PDZD2: variants seen among roughly 807,000 people sequenced by gnomAD.
PDZD2 encodes PDZ domain-containing protein 2.
PDZD2 carries 90 observed loss-of-function variants against 220.7 expected under a neutral mutation model. That is an observed-to-expected ratio of 0.41 (90% CI 0.34 to 0.49). The LOEUF (loss-of-function observed/expected upper bound fraction) is 0.49. PDZD2 is among the 20% of genes least tolerant of loss of function. The pLI is 0.28. For missense variants in PDZD2, 3,174 were observed against 3,608.5 expected (o/e 0.88, Z 3.08); for synonymous variants, 1,375 against 1,450.5 (o/e 0.95, Z 1.18).
intron 2 of PDZD2, among the ~76,000 whole-genome samples, chr5:31,972,593 T>C (rs1011816814): frequency 5.9e-5 from 9 of 152,238 alleles, no homozygotes; most frequent in African/African-American, 2.2e-4. Flanking sequence ...TGGCTTGTAG[T>C]AGTTATTCAG....
chr5:31,716,411 A>G (rs1419522215), intron 1 of PDZD2, among the ~76,000 whole-genome samples: 1 of 152,164 alleles, frequency 6.6e-6, no homozygotes, highest in Admixed American at 6.6e-5. Flanking sequence ...CTGGGTCAGG[A>G]GGCAGAAGGA....
chr5:31,999,674 C>T (rs919957407), intron 4 of PDZD2, among the ~76,000 whole-genome samples: 16 of 152,230 alleles, frequency 1.1e-4, no homozygotes, highest in Admixed American at 2.6e-4. Context: ...GTCAGGGTCA[C>T]ATCCCTGGGA....
intron 1 of PDZD2, among the ~76,000 whole-genome samples, chr5:31,703,887 C>T (rs943740376): frequency 1.4e-4 from 22 of 152,046 alleles, no homozygotes; most frequent in African/African-American, 5.1e-4. Flanking sequence ...ATAATTTTAC[C>T]CCCATAGATA....
intron 3 of PDZD2, among the ~76,000 whole-genome samples, chr5:31,985,214 G>A (rs180697477): frequency 3.3e-5 from 5 of 152,198 alleles, no homozygotes; most frequent in Admixed American, 6.5e-5. Context: ...ATCTTGATAG[G>A]ATTTCTTCCC....
chr5:31,820,401 A>C (rs1207368624), intron 2 of PDZD2, among the ~76,000 whole-genome samples: 1 of 124,506 alleles, frequency 8.0e-6, no homozygotes, highest in African/African-American at 2.7e-5. Flanking sequence ...GTGTGACTAC[A>C]CTTTTTCACT....
At position 31,974,981 on chromosome 5, in the gene PDZD2, C is replaced by CTAA. The variant is rs562896841; in HGVS notation, c.477-8169_477-8167dup. ...GATAATTTGAATTGGGCGTGAATGA[C>CTAA]TAATAATGTATCATTGGTCAGAAAA... On this transcript the variant is annotated intron_variant, in intron 2 of 24. Transcript: ENST00000438447. Among the ~76,000 whole-genome samples, 985 of 152,216 alleles carry CTAA rather than the reference C, an allele frequency of 6.5e-3. 13 individuals are homozygous for CTAA. Among genetic ancestry groups the CTAA allele is most frequent in the African/African-American group, 0.023 (937 of 41,518 alleles).
chr5:31,669,401 CAAAAAAAAAA>C (rs34910299), intron 1 of PDZD2, among the ~76,000 whole-genome samples: 49 of 109,628 alleles, frequency 4.5e-4, no homozygotes, highest in Non-Finnish European at 7.6e-4. Context: ...GACCCTGTCT[CAAAAAAAAAA>C]AAAAAAAAAA....
At position 31,646,230 on chromosome 5, in the gene PDZD2, A is replaced by G. The variant is rs1745131079; in HGVS notation, c.-361+6793A>G. Among the ~76,000 whole-genome samples, 1 of 152,178 alleles carries G rather than the reference A, an allele frequency of 6.6e-6. No individual in the cohort carries two copies. On this transcript the variant is annotated intron_variant, in intron 1 of 24. Coordinates refer to ENST00000438447, the MANE Select transcript of PDZD2 (RefSeq NM_178140.4). This position sits in a 1 kb window ranked among gnomAD's most constrained non-coding sequence, Gnocchi z 4.7. Reference sequence around the variant, plus strand: ...GTTACTGTAATTCCAGTATTCCAGAAGACTCTGTTTCTGGAGACTGGAGAG... The same window carrying G: ...GTTACTGTAATTCCAGTATTCCAGAGGACTCTGTTTCTGGAGACTGGAGAG...
At chr5:31,643,232 G>C (rs1229401584) in intron 1 of PDZD2, among the ~76,000 whole-genome samples, 1 of 152,196 alleles carries the variant, frequency 6.6e-6, no homozygotes, top group Non-Finnish European at 1.5e-5. Context: ...GAGAAGGCAG[G>C]AGTTTTTAGC....
chr5:31,876,373 A>G (rs1352615266), intron 2 of PDZD2, among the ~76,000 whole-genome samples: 1 of 150,990 alleles, frequency 6.6e-6, no homozygotes, highest in African/African-American at 2.4e-5. Flanking sequence ...GCTCATTGCA[A>G]CCTCTGCCTC....
At chr5:31,975,806 TA>T (rs746374049) in intron 2 of PDZD2, among the ~76,000 whole-genome samples, 3,080 of 32,562 alleles carry the variant, frequency 0.095, 563 homozygotes, top group African/African-American at 0.25. Context: ...TTTTTTTATT[TA>T]TTTTTTTTTT....
intron 1 of PDZD2, among the ~76,000 whole-genome samples, chr5:31,708,652 G>A (rs1353740928): frequency 3.3e-5 from 5 of 152,192 alleles, no homozygotes; most frequent in Non-Finnish European, 5.9e-5. Flanking sequence ...ATTCAGGGAA[G>A]TAAAATTCAC....
chr5:31,938,903 G>T (rs565685266), intron 2 of PDZD2, among the ~76,000 whole-genome samples: 5 of 152,120 alleles, frequency 3.3e-5, no homozygotes, highest in African/African-American at 1.2e-4. Context: ...GAAACTTCAG[G>T]CCTCGGTATG....
chr5:31,701,524 GA>G (rs1747610284), intron 1 of PDZD2, among the ~76,000 whole-genome samples: 1 of 152,136 alleles, frequency 6.6e-6, no homozygotes, highest in Non-Finnish European at 1.5e-5. Flanking sequence ...TATTCAATGG[GA>G]GACGTCTAGC....
Position 32,057,998 on chromosome 5 carries a change from G to A in PDZD2, c.2095G>A (p.Gly699Arg). Reference protein sequence around the residue: ...RSASPNFNTSGGASAGGSDEG... With the variant: ...RSASPNFNTSRGASAGGSDEG... ...CGCCTCCCCGAACTTCAATACCAGT[G>A]GGGGAGCCTCAGCGGGAGGTTCCGA... The change falls in exon 12 of 25, where the codon GGG becomes AGG. Residue 699 changes from glycine (G) to arginine (R), a missense_variant. Gly to Arg is a moderately radical substitution (Grantham distance 125). Transcript: ENST00000438447. The A allele has an allele frequency of 6.2e-7, 1 of 1,612,770 alleles. No homozygotes were observed. The highest frequency in any genetic ancestry group is 1.1e-5 in the South Asian group (1 of 91,044).
At chr5:32,032,971 G>A (rs1447525014) in intron 6 of PDZD2, among the ~76,000 whole-genome samples, 1 of 152,160 alleles carries the variant, frequency 6.6e-6, no homozygotes, top group East Asian at 1.9e-4. Context: ...CAAACAGGAA[G>A]GCTCTACCAT....
At chr5:31,952,971 T>C (rs2111625692) in intron 2 of PDZD2, among the ~76,000 whole-genome samples, 1 of 151,480 alleles carries the variant, frequency 6.6e-6, no homozygotes, top group Admixed American at 6.6e-5. Flanking sequence ...GACAGGAGAA[T>C]TGCTTGAACC....
Position 31,968,515 on chromosome 5 carries a change from T to C in PDZD2, c.477-14640T>C, listed in dbSNP as rs148262754. ...CTAAAAATACAAAATTAGCTAGGCA[T>C]GGTGGCGTATGCCTGTAATCCCAGC... is the stretch of plus-strand genomic sequence containing the variant. On this transcript the variant is annotated intron_variant, in intron 2 of 24. Coordinates refer to ENST00000438447, the MANE Select transcript of PDZD2 (RefSeq NM_178140.4). Among the ~76,000 whole-genome samples the C allele has an allele frequency of 3.1e-3, 468 of 152,166 alleles. 4 individuals are homozygous for C. The highest frequency in any genetic ancestry group is 7.1e-3 in the Admixed American group (109 of 15,276).
intron 2 of PDZD2, among the ~76,000 whole-genome samples, chr5:31,808,223 G>A (rs1042600563): frequency 2.0e-5 from 3 of 152,128 alleles, no homozygotes; most frequent in Non-Finnish European, 4.4e-5. Context: ...GTAAGAGGTC[G>A]TCATCACCAT....
Sources: gnomAD v4.1 joint callset for allele counts (sites outside exome capture counted in the v4.1 genomes callset) on GRCh38, gnomAD v4.1.1 for gene constraint, Gnocchi (gnomAD v3.1) non-coding constraint, MANE v1.5 for transcripts, NCBI Gene and HGNC (gene_info 2026-07-23, HGNC 2026-07-21) for gene names.